The following ITFG1 variants were observed in gnomAD, a reference collection of about 807,000 sequenced individuals.
The protein encoded by ITFG1 is integrin alpha FG-GAP repeat containing 1.
In ITFG1, 34 loss-of-function variants were observed where a neutral mutation model predicts 81.8. The ratio of observed to expected loss-of-function variants is 0.42; its 90% CI spans 0.32 to 0.55. The LOEUF (loss-of-function observed/expected upper bound fraction) is 0.55, where lower values mean the gene tolerates loss of function less well. Ranked by LOEUF, ITFG1 falls within the 20% of genes least tolerant of loss-of-function variation. ITFG1 has a pLI of 0.17. For missense variants in ITFG1, 672 were observed against 755.4 expected (o/e 0.89, Z 1.29); for synonymous variants, 285 against 270.6 (o/e 1.05, Z -0.52).
At chr16:47,285,198 G>C (rs989128562) in intron 10 of ITFG1, among the ~76,000 whole-genome samples, 3 of 152,078 alleles carry the variant, frequency 2.0e-5, no homozygotes, top group African/African-American at 7.2e-5. Context: ...TCCCATGAGA[G>C]AGTCCCACCC....
chr16:47,358,425 T>C (rs1027856315), intron 8 of ITFG1, among the ~76,000 whole-genome samples: 3 of 152,218 alleles, frequency 2.0e-5, no homozygotes, highest in African/African-American at 7.2e-5. Context: ...TAATGTATGT[T>C]GTTATCTACT....
At chr16:47,387,478 T>TA (rs1454465140) in intron 6 of ITFG1, among the ~76,000 whole-genome samples, 2 of 152,076 alleles carry the variant, frequency 1.3e-5, no homozygotes, top group Non-Finnish European at 2.9e-5. Flanking sequence ...GGCAAGCTGG[T>TA]AAAAAAGCCA....
chr16:47,439,376 A>G (rs753357261), intron 5 of ITFG1, among the ~76,000 whole-genome samples: 11 of 152,238 alleles, frequency 7.2e-5, no homozygotes, highest in Non-Finnish European at 1.2e-4. Flanking sequence ...TCCAAGACAC[A>G]TAATTGTCAG....
At chr16:47,243,919 T>C (rs1433202622) in intron 12 of ITFG1, among the ~76,000 whole-genome samples, 1 of 152,126 alleles carries the variant, frequency 6.6e-6, no homozygotes, top group Non-Finnish European at 1.5e-5. Context: ...TAATCCTAGC[T>C]ACTCGGGAGG....
At chr16:47,321,586 G>C (rs1269339029) in intron 8 of ITFG1, among the ~76,000 whole-genome samples, 1 of 152,156 alleles carries the variant, frequency 6.6e-6, no homozygotes, top group African/African-American at 2.4e-5. Flanking sequence ...CTACTTGAGA[G>C]GCCAAAGCAG....
At chr16:47,320,956 A>T (rs1967439377) in intron 8 of ITFG1, among the ~76,000 whole-genome samples, 1 of 152,196 alleles carries the variant, frequency 6.6e-6, no homozygotes, top group South Asian at 2.1e-4. Flanking sequence ...GTTGCTCCAT[A>T]GATGGTGAAA....
intron 12 of ITFG1, among the ~76,000 whole-genome samples, chr16:47,245,601 A>G (rs146589293): frequency 1.3e-5 from 2 of 152,248 alleles, no homozygotes; most frequent in African/African-American, 4.8e-5. Flanking sequence ...CATCTCTGAC[A>G]ATTTCCTTGG....
chr16:47,436,018 CA>C (rs1288986007), intron 5 of ITFG1, among the ~76,000 whole-genome samples: 3 of 151,358 alleles, frequency 2.0e-5, no homozygotes, highest in African/African-American at 7.3e-5. Context: ...CAAAACAAAA[CA>C]AAAAAAACAC....
At chr16:47,422,423 G>A (rs1038673015) in intron 6 of ITFG1, among the ~76,000 whole-genome samples, 2 of 152,176 alleles carry the variant, frequency 1.3e-5, no homozygotes, top group African/African-American at 4.8e-5. Flanking sequence ...TCACATCGAT[G>A]TTCATCAGGG....
At chr16:47,248,910 T>A (rs554823058) in intron 12 of ITFG1, among the ~76,000 whole-genome samples, 2 of 152,342 alleles carry the variant, frequency 1.3e-5, no homozygotes, top group East Asian at 3.9e-4. Context: ...TTCTACTATT[T>A]GTGTTCTTTG....
At chr16:47,402,862 T>C (rs1360849483) in intron 6 of ITFG1, among the ~76,000 whole-genome samples, 1 of 152,154 alleles carries the variant, frequency 6.6e-6, no homozygotes, top group African/African-American at 2.4e-5. Flanking sequence ...TTTAAACACA[T>C]GGGAAAAGAA....
At chr16:47,418,858 T>C (rs960720440) in intron 6 of ITFG1, among the ~76,000 whole-genome samples, 11 of 152,234 alleles carry the variant, frequency 7.2e-5, no homozygotes, top group East Asian at 1.9e-4. Context: ...TTGCTCAGTA[T>C]TGTTATGACT....
intron 14 of ITFG1, among the ~76,000 whole-genome samples, chr16:47,189,078 T>C (rs1225606871): frequency 1.3e-5 from 2 of 152,216 alleles, no homozygotes; most frequent in African/African-American, 4.8e-5. Flanking sequence ...AAACAGTTTT[T>C]AATGAAGGTT....
intron 6 of ITFG1, among the ~76,000 whole-genome samples, chr16:47,410,274 C>A (rs1308375402): frequency 6.6e-6 from 1 of 151,586 alleles, no homozygotes. Flanking sequence ...GACCCTGTCT[C>A]TAAAAAAAGA....
At chr16:47,400,620 G>A (rs1968649020) in intron 6 of ITFG1, among the ~76,000 whole-genome samples, 1 of 152,222 alleles carries the variant, frequency 6.6e-6, no homozygotes. Context: ...ACAGAATAGT[G>A]GTCATTGTAT....
rs1035983927 is a variant in ITFG1 at position 47,160,255 on chromosome 16, A to T, written c.1662-1265T>A. ...CTCCTCAGAGGCAGTCACTCTTACC[A>T]GTTTCCTGCATATCCTTTCAGAGAT... is the stretch of plus-strand genomic sequence containing the variant. On this transcript the variant is annotated intron_variant, in intron 16 of 17. Transcript: ENST00000320640. Among the ~76,000 whole-genome samples, 4 of 151,694 alleles carry T rather than the reference A, an allele frequency of 2.6e-5. No individual in the cohort carries two copies. The South Asian group carries it at 6.2e-4, about 24-fold the overall frequency.
At chr16:47,416,921 A>G (rs1968882741) in intron 6 of ITFG1, among the ~76,000 whole-genome samples, 1 of 152,240 alleles carries the variant, frequency 6.6e-6, no homozygotes, top group Admixed American at 6.5e-5. Context: ...CCAAATTCTT[A>G]GCTAAATTTG....
chr16:47,393,692 T>C (rs1458719813), intron 6 of ITFG1, among the ~76,000 whole-genome samples: 2 of 151,806 alleles, frequency 1.3e-5, no homozygotes, highest in Non-Finnish European at 1.5e-5. Flanking sequence ...GATCACCCCA[T>C]TGCACTCCAG....
intron 10 of ITFG1, chr16:47,263,124 C>A: frequency 4.0e-6 from 1 of 249,784 alleles, no homozygotes; most frequent in South Asian, 6.7e-5. Context: ...TCCAAGCTGC[C>A]TGACAACATA....
Sources: allele counts gnomAD v4.1 joint callset (sites outside exome capture counted in the v4.1 genomes callset), GRCh38; gene constraint gnomAD v4.1.1; transcripts MANE v1.5; gene names NCBI Gene and HGNC (gene_info 2026-07-23, HGNC 2026-07-21).